Variants in RAPGEF2 observed in about 807,000 individuals in gnomAD.
RAPGEF2 encodes the protein PDZ domain containing guanine nucleotide exchange factor (GEF) 1.
In RAPGEF2, 54 loss-of-function variants were observed where a neutral mutation model predicts 186.7. The ratio of observed to expected loss-of-function variants is 0.29; its 90% CI spans 0.23 to 0.36. The LOEUF (loss-of-function observed/expected upper bound fraction) is 0.36. Ranked by LOEUF, RAPGEF2 falls within the 10% of genes least tolerant of loss-of-function variation. The pLI is 1.00. For missense variants in RAPGEF2, 1,532 were observed against 2,045.0 expected, an observed-to-expected ratio of 0.75 and a Z score of 4.84; for synonymous variants, 712 against 705.9, an observed-to-expected ratio of 1.01 and a Z score of -0.14.
chr4:159,309,104 A>G (rs954771589), intron 8 of RAPGEF2, among the ~76,000 whole-genome samples: 1 of 152,196 alleles, frequency 6.6e-6, no homozygotes, highest in Non-Finnish European at 1.5e-5. Flanking sequence ...TGTAATACAA[A>G]GACAGGTCGA....
At chr4:159,123,280 G>GT (rs1175866077) in intron 1 of RAPGEF2, among the ~76,000 whole-genome samples, 2 of 152,164 alleles carry the variant, frequency 1.3e-5, no homozygotes, top group Non-Finnish European at 2.9e-5. Flanking sequence ...CTCACTGAGT[G>GT]TTAGCAAGAT....
intron 28 of RAPGEF2, among the ~76,000 whole-genome samples, chr4:159,355,485 T>C (rs1731833545): frequency 6.6e-6 from 1 of 152,206 alleles, no homozygotes. Context: ...GGCATAGTGC[T>C]GTGTACTTAG....
At chr4:159,119,992 G>A (rs1055721702) in intron 1 of RAPGEF2, among the ~76,000 whole-genome samples, 20 of 151,990 alleles carry the variant, frequency 1.3e-4, no homozygotes, top group African/African-American at 4.8e-4. Flanking sequence ...TGTTTCATTT[G>A]TCATCACTCC....
At chr4:159,113,044 C>A (rs573434191) in intron 1 of RAPGEF2, among the ~76,000 whole-genome samples, 68 of 152,204 alleles carry the variant, frequency 4.5e-4, no homozygotes, top group African/African-American at 1.6e-3. Flanking sequence ...CAGATAGACT[C>A]AAATTTAAGG....
Position 159,104,183 on chromosome 4 carries a change from C to T in RAPGEF2, c.21C>T (p.Asn7=). Residue 7 remains asparagine (N), a synonymous_variant, in exon 1 of 30, where the codon AAC becomes AAT. Coordinates refer to ENST00000691494, the MANE Select transcript of RAPGEF2 (RefSeq NM_001394067.2). ...GGGAGATGGCGTCCTACGTAGATAA[C>T]AGCTTCCGCCAGGCGGTGATGAAGA... MASYVD[N]SFRQAVMKNP... is the part of the protein sequence containing the mutation. The T allele has an allele frequency of 2.6e-6, 4 of 1,527,290 alleles. No individual in the cohort carries two copies. Among genetic ancestry groups the T allele is most frequent in the South Asian group, 2.4e-5 (2 of 83,702 alleles). The allele number at this position is 1,527,290 out of a possible 1,614,324, so 94.6% of individuals were successfully genotyped here.
At chr4:159,276,349 T>C (rs187796485) in intron 7 of RAPGEF2, among the ~76,000 whole-genome samples, 32 of 152,346 alleles carry the variant, frequency 2.1e-4, no homozygotes, top group Admixed American at 3.3e-4. Context: ...CTTAAAGATA[T>C]GGATGCATAG....
intron 17 of RAPGEF2, 55 bp downstream of exon 17, chr4:159,332,752 C>T: frequency 7.6e-6 from 12 of 1,569,124 alleles, no homozygotes; most frequent in Non-Finnish European, 1.0e-5. Context: ...AAATGATATG[C>T]AAAGATAGTG....
intron 7 of RAPGEF2, among the ~76,000 whole-genome samples, chr4:159,266,497 C>G (rs1242509937): frequency 6.6e-6 from 1 of 152,044 alleles, no homozygotes; most frequent in Admixed American, 6.6e-5. Flanking sequence ...TACATATGTA[C>G]ATGAAATTAA....
intron 1 of RAPGEF2, among the ~76,000 whole-genome samples, chr4:159,120,854 A>ATTATT (rs937875496): frequency 1.3e-5 from 2 of 151,354 alleles, no homozygotes; most frequent in African/African-American, 4.9e-5. Context: ...TAATTTTTAA[A>ATTATT]TTATTTTATT....
At chr4:159,268,972 G>C (rs1757766986) in intron 7 of RAPGEF2, among the ~76,000 whole-genome samples, 1 of 152,118 alleles carries the variant, frequency 6.6e-6, no homozygotes, top group African/African-American at 2.4e-5. Flanking sequence ...TCGTGAAAAT[G>C]CAAACGCATA....
At chr4:159,280,593 A>T (rs1759559639) in intron 7 of RAPGEF2, among the ~76,000 whole-genome samples, 1 of 152,180 alleles carries the variant, frequency 6.6e-6, no homozygotes, top group East Asian at 1.9e-4. Flanking sequence ...CTTTCTCTGT[A>T]TTGTTCCCTC....
intron 22 of RAPGEF2, 124 bp from the exon 23 acceptor site, chr4:159,343,912 A>G (rs1580021975): frequency 1.1e-6 from 1 of 888,126 alleles, no homozygotes. Flanking sequence ...GTGATTATGC[A>G]GTTTAATGTT....
chr4:159,124,164 G>C (rs190373409), intron 1 of RAPGEF2, among the ~76,000 whole-genome samples: 5 of 151,912 alleles, frequency 3.3e-5, no homozygotes, highest in African/African-American at 7.3e-5. Context: ...CTTTGTTGTT[G>C]TTGTTAGATG....
At chr4:159,338,853 C>T (rs115506162) in intron 18 of RAPGEF2, among the ~76,000 whole-genome samples, 1,690 of 152,256 alleles carry the variant, frequency 0.011, 27 homozygotes, top group African/African-American at 0.038. Flanking sequence ...TTGATGCCAG[C>T]ATGACAGTCT....
At chr4:159,128,021 G>C (rs972597718) in intron 1 of RAPGEF2, among the ~76,000 whole-genome samples, 3 of 152,220 alleles carry the variant, frequency 2.0e-5, no homozygotes, top group Middle Eastern at 3.4e-3. Flanking sequence ...GCAGTTTATT[G>C]CCTTGGATTA....
At chr4:159,310,186 G>A (rs569774395) in intron 8 of RAPGEF2, among the ~76,000 whole-genome samples, 4 of 152,044 alleles carry the variant, frequency 2.6e-5, no homozygotes, top group African/African-American at 9.7e-5. Context: ...TAGTAATTGA[G>A]CATATAAGGA....
intron 1 of RAPGEF2, among the ~76,000 whole-genome samples, chr4:159,129,749 G>A (rs1740801668): frequency 6.6e-6 from 1 of 152,060 alleles, no homozygotes; most frequent in Non-Finnish European, 1.5e-5. Context: ...TCTCTTTTTC[G>A]AGACAGTGTT....
chr4:159,146,791 T>G (rs1413156606), intron 1 of RAPGEF2, among the ~76,000 whole-genome samples: 1 of 152,204 alleles, frequency 6.6e-6, no homozygotes, highest in Non-Finnish European at 1.5e-5. Flanking sequence ...TGGTATCTAG[T>G]CATTTCTCCC....
intron 1 of RAPGEF2, among the ~76,000 whole-genome samples, chr4:159,149,570 TTTC>T (rs1387538107): frequency 6.6e-6 from 1 of 152,186 alleles, no homozygotes; most frequent in Non-Finnish European, 1.5e-5. Context: ...AGTTTTAGTT[TTTC>T]TTCTTCCTCT....
Sources: allele counts gnomAD v4.1 joint callset (sites outside exome capture counted in the v4.1 genomes callset), GRCh38; gene constraint gnomAD v4.1.1; transcripts MANE v1.5; gene names NCBI Gene and HGNC (gene_info 2026-07-23, HGNC 2026-07-21).